The following AK5 variants were observed in gnomAD, a reference collection of about 807,000 sequenced individuals.
AK5 encodes the protein adenylate kinase isoenzyme 5.
Under a neutral mutation model 69.5 loss-of-function variants are expected in AK5, and 27 were observed. The ratio of observed to expected loss-of-function variants is 0.39; its 90% CI spans 0.29 to 0.54. AK5 has a LOEUF of 0.54. Among genes scored for constraint, AK5 ranks in the 20% least tolerant of loss-of-function variants. AK5 has a pLI of 0.71. For missense variants in AK5, 531 were observed against 700.4 expected (o/e 0.76, Z 2.73); for synonymous variants, 260 against 244.4 (o/e 1.06, Z -0.60).
intron 13 of AK5, 77 bp from the exon 14 acceptor site, chr1:77,558,525 G>T: frequency 1.1e-6 from 1 of 922,910 alleles, no homozygotes; most frequent in Non-Finnish European, 1.7e-6. Context: ...TTATGAGCAA[G>T]TGATAGTGTT....
rs113035988 is a variant in AK5, at chr1:77,466,853, A to G, written c.1060-16464A>G. Among the ~76,000 whole-genome samples, 40 of 152,340 alleles carry G rather than the reference A, an allele frequency of 2.6e-4. 1 individual carries two copies. Among genetic ancestry groups the G allele is most frequent in the African/African-American group, 8.4e-4 (35 of 41,578 alleles). Reference sequence around the variant, plus strand: ...TTGCGCTGGGGATTAAGTTTTCAACACATGAGTCTTGGAGGGGACCAAAAC... The same window carrying G: ...TTGCGCTGGGGATTAAGTTTTCAACGCATGAGTCTTGGAGGGGACCAAAAC... On this transcript the variant is annotated intron_variant, in intron 8 of 13. Coordinates refer to ENST00000354567, the MANE Select transcript of AK5 (RefSeq NM_174858.3).
chr1:77,481,485 T>C (rs1021218919), intron 8 of AK5, among the ~76,000 whole-genome samples: 4 of 152,254 alleles, frequency 2.6e-5, no homozygotes, highest in African/African-American at 9.6e-5. Flanking sequence ...GGAATAGCAC[T>C]GAATGCACAG....
intron 10 of AK5, among the ~76,000 whole-genome samples, chr1:77,510,644 C>T (rs1570283415): frequency 6.6e-6 from 1 of 152,070 alleles, no homozygotes; most frequent in Middle Eastern, 3.4e-3. Flanking sequence ...AGATGCCAAC[C>T]GAGAGAAATA....
chr1:77,357,543 T>G (rs918010866), intron 6 of AK5, among the ~76,000 whole-genome samples: 2 of 152,228 alleles, frequency 1.3e-5, no homozygotes, highest in African/African-American at 4.8e-5. Flanking sequence ...CATTGAGCAC[T>G]TCACTGAGCT....
At chr1:77,468,126 G>A (rs983792622) in intron 8 of AK5, among the ~76,000 whole-genome samples, 2 of 152,218 alleles carry the variant, frequency 1.3e-5, no homozygotes, top group Non-Finnish European at 2.9e-5. Context: ...ATGTTTATTT[G>A]AACTCTTGAG....
chr1:77,326,641 C>A (rs1660817973), intron 5 of AK5, among the ~76,000 whole-genome samples: 1 of 152,010 alleles, frequency 6.6e-6, no homozygotes, highest in African/African-American at 2.4e-5. Context: ...GTTTTATTTT[C>A]CTCCAAGAAA....
chr1:77,443,953 C>CAGCT (rs886985376), intron 8 of AK5, among the ~76,000 whole-genome samples: 2 of 151,384 alleles, frequency 1.3e-5, no homozygotes, highest in African/African-American at 4.9e-5. Flanking sequence ...AAGACATGAG[C>CAGCT]AGCTATAAGA....
In AK5 at chr1:77,313,598, C is replaced by T. The variant is rs537740892; in HGVS notation, c.699+15651C>T. ...CTCCCTCCCTAGCCCGGCCCTCTCT[C>T]TCCTTTCCATCACCAACCTGGTCCT... On this transcript the variant is annotated intron_variant, in intron 5 of 13. Transcript: ENST00000354567. Among the ~76,000 whole-genome samples, 16 of 152,168 alleles carry T rather than the reference C, an allele frequency of 1.1e-4. No individual in the cohort carries two copies. In the East Asian group the frequency reaches 2.9e-3, roughly 28 times the overall value.
chr1:77,300,358 C>T (rs992584870), intron 5 of AK5, among the ~76,000 whole-genome samples: 1 of 152,172 alleles, frequency 6.6e-6, no homozygotes, highest in African/African-American at 2.4e-5. Context: ...TCCAATTTAA[C>T]ATCTTCTTAG....
At chr1:77,301,712 A>G (rs376008656) in intron 5 of AK5, among the ~76,000 whole-genome samples, 3 of 152,324 alleles carry the variant, frequency 2.0e-5, no homozygotes, top group African/African-American at 7.2e-5. Context: ...ACTTCATGTT[A>G]TCTTCCTTGT....
intron 13 of AK5, among the ~76,000 whole-genome samples, chr1:77,558,207 T>TTGGGTAAACACCAAGAAG (rs1553164035): frequency 6.6e-6 from 1 of 152,198 alleles, no homozygotes; most frequent in Admixed American, 6.5e-5. Context: ...TTCAGCTCAT[T>TTGGGTAAACACCAAGAAG]TGGGTAAACA....
At chr1:77,412,966 G>T (rs1201503640) in intron 7 of AK5, among the ~76,000 whole-genome samples, 2 of 151,672 alleles carry the variant, frequency 1.3e-5, no homozygotes, top group Admixed American at 1.3e-4. Flanking sequence ...CTCATCCCTG[G>T]CCTCTCCTGT....
chr1:77,511,300 G>A (rs1167519889), intron 10 of AK5, among the ~76,000 whole-genome samples: 1 of 151,964 alleles, frequency 6.6e-6, no homozygotes, highest in Non-Finnish European at 1.5e-5. Context: ...ATTTCATCTG[G>A]ACAAAAAAGA....
chr1:77,543,894 A>T (rs1659406135), intron 13 of AK5, among the ~76,000 whole-genome samples: 1 of 152,038 alleles, frequency 6.6e-6, no homozygotes, highest in Admixed American at 6.5e-5. Flanking sequence ...TACAGAGAGT[A>T]GACTGTATAT....
chr1:77,283,286 G>A (rs1423831618), intron 1 of AK5: 4 of 985,312 alleles, frequency 4.1e-6, no homozygotes, highest in African/African-American at 3.5e-5. Flanking sequence ...GCTTTTGCTT[G>A]AAGTAGGGGG....
intron 6 of AK5, among the ~76,000 whole-genome samples, chr1:77,346,438 A>G (rs1250059317): frequency 6.6e-6 from 1 of 152,116 alleles, no homozygotes; most frequent in Non-Finnish European, 1.5e-5. Flanking sequence ...ATTATCACCA[A>G]CTCCACTTAG....
chr1:77,412,644 A>G (rs1185962551), intron 7 of AK5, among the ~76,000 whole-genome samples: 1 of 152,084 alleles, frequency 6.6e-6, no homozygotes, highest in Non-Finnish European at 1.5e-5. Flanking sequence ...ATAAATGTTG[A>G]TGACTCACCC....
At chr1:77,481,348 T>G (rs1012358236) in intron 8 of AK5, among the ~76,000 whole-genome samples, 1 of 152,230 alleles carries the variant, frequency 6.6e-6, no homozygotes, top group East Asian at 1.9e-4. Flanking sequence ...TTGCGGTAAT[T>G]TCAACAAGGG....
chr1:77,283,829 T>C lies in AK5; in HGVS notation c.60+1456T>C, dbSNP rs990395933. 3.3e-5 allele frequency among the ~76,000 whole-genome samples: 5 copies of C among 152,210 alleles called. 1 individual carries two copies. The highest frequency in any genetic ancestry group is 1.3e-4 in the Admixed American group (2 of 15,290). On this transcript the variant is annotated intron_variant, in intron 1 of 13. Coordinates refer to ENST00000354567, the MANE Select transcript of AK5 (RefSeq NM_174858.3). The stretch of plus-strand genomic sequence containing the variant: ...TCTCACAAAGATTACTACTGAGATA[T>C]ATTTCATTTCTACGCTTCTAAAAGA...
Sources: allele counts gnomAD v4.1 joint callset (sites outside exome capture counted in the v4.1 genomes callset), GRCh38; gene constraint gnomAD v4.1.1; transcripts MANE v1.5; gene names NCBI Gene and HGNC (gene_info 2026-07-23, HGNC 2026-07-21).